Variants in KCNG3 observed in about 807,000 individuals in gnomAD.
KCNG3 encodes the protein voltage-gated potassium channel regulatory subunit KCNG3.
KCNG3 carries 15 observed loss-of-function variants against 29.0 expected under a neutral mutation model. The ratio of observed to expected loss-of-function variants is 0.52; its 90% confidence interval spans 0.35 to 0.80. The LOEUF (loss-of-function observed/expected upper bound fraction) is 0.80, where lower values mean the gene tolerates loss of function less well. Ranked by LOEUF, KCNG3 falls within the 30% of genes least tolerant of loss-of-function variation. The pLI is 0.01. For synonymous variants in KCNG3, 322 were observed against 248.9 expected (o/e 1.29, Z -2.76); for missense variants, 512 against 605.7 (o/e 0.85, Z 1.62).
the KCNG3 span, among the ~76,000 whole-genome samples, chr2:42,407,508 G>C: frequency 6.6e-6 from 1 of 152,186 alleles, no homozygotes; most frequent in Non-Finnish European, 1.5e-5. Context: ...ACACCCTGTG[G>C]AGCCAACAAC....
intron 1 of KCNG3, among the ~76,000 whole-genome samples, chr2:42,459,401 C>T (rs74396039): frequency 0.035 from 5,272 of 152,236 alleles, 129 homozygotes; most frequent in Middle Eastern, 0.078. Flanking sequence ...ACCCTCCCTG[C>T]CTGGCAAGTC....
At chr2:42,475,969 G>C (rs1357752807) in intron 1 of KCNG3, among the ~76,000 whole-genome samples, 1 of 152,146 alleles carries the variant, frequency 6.6e-6, no homozygotes. Context: ...GGGAGGCTGA[G>C]GCAGGAGAAT....
intron 1 of KCNG3, among the ~76,000 whole-genome samples, chr2:42,488,839 C>G (rs1572868481): frequency 6.6e-6 from 1 of 152,148 alleles, no homozygotes; most frequent in African/African-American, 2.4e-5. Context: ...CGTGAGCCAC[C>G]ACGCCTGGCC....
At chr2:42,454,764 C>CA (rs2103679121) in intron 1 of KCNG3, among the ~76,000 whole-genome samples, 1 of 151,656 alleles carries the variant, frequency 6.6e-6, no homozygotes, top group East Asian at 1.9e-4. Flanking sequence ...ACCTTGAAGA[C>CA]ATTACGTTAA....
chr2:42,449,337 CATAA>C (rs1169260051), intron 1 of KCNG3, among the ~76,000 whole-genome samples: 1 of 151,504 alleles, frequency 6.6e-6, no homozygotes, highest in Non-Finnish European at 1.5e-5. Flanking sequence ...TTTCAGTGGC[CATAA>C]ATAAAGTTTT....
chr2:42,492,791 G>C (rs965017708), intron 1 of KCNG3, 46 bp downstream of exon 1: 7 of 1,402,424 alleles, frequency 5.0e-6, no homozygotes, highest in Non-Finnish European at 5.6e-6. Context: ...GGGACGGACA[G>C]ACGCGACAGG....
chr2:42,425,556 G>C, the KCNG3 span, among the ~76,000 whole-genome samples: 1 of 152,000 alleles, frequency 6.6e-6, no homozygotes, highest in Admixed American at 6.6e-5. Context: ...CGGCTGGCAG[G>C]CATCTTTGAA....
chr2:42,489,635 G>A (rs1487381639), intron 1 of KCNG3, among the ~76,000 whole-genome samples: 2 of 152,198 alleles, frequency 1.3e-5, no homozygotes, highest in Admixed American at 1.3e-4. Context: ...CTTCAAGAGA[G>A]GAATAGAATC....
rs869226338 is a variant in KCNG3, at chr2:42,452,220, A to AATATATATATATAT, written c.666-7655_666-7642dup. On this transcript the variant is annotated intron_variant, in intron 1 of 1. Transcript: ENST00000306078. Reference sequence around the variant, plus strand: ...TCACATCAGGGTAAATGGGGTGGTAAATATATATATATATATATATATATT... The same window carrying AATATATATATATAT: ...TCACATCAGGGTAAATGGGGTGGTAAATATATATATATATATATATATATATATATATATATATT... Among the ~76,000 whole-genome samples, 53 of 104,652 alleles carry AATATATATATATAT rather than the reference A, an allele frequency of 5.1e-4. 1 individual carries two copies. Among genetic ancestry groups the AATATATATATATAT allele is most frequent in the East Asian group, 2.9e-3 (8 of 2,768 alleles). 68.7% of individuals were successfully genotyped at this position (104,652 alleles called of 152,430 possible).
At chr2:42,471,298 G>C (rs1416153433) in intron 1 of KCNG3, among the ~76,000 whole-genome samples, 1 of 151,950 alleles carries the variant, frequency 6.6e-6, no homozygotes, top group African/African-American at 2.4e-5. Context: ...TAAACAACAT[G>C]TTGCATAACC....
At chr2:42,461,109 C>T (rs1673005432) in intron 1 of KCNG3, among the ~76,000 whole-genome samples, 1 of 142,376 alleles carries the variant, frequency 7.0e-6, no homozygotes, top group Non-Finnish European at 1.5e-5. Flanking sequence ...TGCAGTGAGC[C>T]GAGATCACGC....
the KCNG3 span, among the ~76,000 whole-genome samples, chr2:42,404,300 GGAA>G: frequency 0.28 from 42,090 of 151,944 alleles, 6,301 homozygotes; most frequent in East Asian, 0.56. Context: ...CCTGATACAA[GGAA>G]GAAGAACCCC....
At chr2:42,481,856 C>CAG (rs1673592046) in intron 1 of KCNG3, among the ~76,000 whole-genome samples, 2 of 152,344 alleles carry the variant, frequency 1.3e-5, no homozygotes, top group South Asian at 4.1e-4. Flanking sequence ...TCACCTATCA[C>CAG]AGAGGCCTGT....
In KCNG3 at chr2:42,465,218, TTTC is replaced by T. The variant is rs936138026; in HGVS notation, c.666-20642_666-20640del. 1.0e-4 allele frequency among the ~76,000 whole-genome samples: 15 copies of T among 147,042 alleles called. No individual in the cohort carries two copies. In the South Asian group the frequency reaches 1.8e-3, roughly 18 times the overall value. On this transcript the variant is annotated intron_variant, in intron 1 of 1. Coordinates refer to ENST00000306078, the MANE Select transcript of KCNG3 (RefSeq NM_133329.6). ...TAAGAGTATTTAATTTCTTTCTTTC[TTTC>T]TTTTTTTTTTTTTGAAACAGGGTTT...
intron 1 of KCNG3, among the ~76,000 whole-genome samples, chr2:42,467,902 T>C (rs543477542): frequency 1.3e-4 from 20 of 151,010 alleles, no homozygotes; most frequent in African/African-American, 2.2e-4. Context: ...CCTGGAGAGA[T>C]TGAGGCTGCA....
the KCNG3 span, among the ~76,000 whole-genome samples, chr2:42,423,796 G>A: frequency 7.0e-6 from 1 of 142,078 alleles, no homozygotes; most frequent in African/African-American, 2.8e-5. Flanking sequence ...TCGGAAATGA[G>A]GTGAAAGGAA....
chr2:42,424,881 ATGCAGGACC>A, the KCNG3 span: 1 of 152,236 alleles, frequency 6.6e-6, no homozygotes, highest in African/African-American at 2.4e-5. Flanking sequence ...CCAGAGGGAA[ATGCAGGACC>A]CCGGCTCCAC....
At chr2:42,394,529 T>G in the KCNG3 span, among the ~76,000 whole-genome samples, 2 of 152,314 alleles carry the variant, frequency 1.3e-5, no homozygotes, top group South Asian at 4.1e-4. Context: ...AAATAAATCT[T>G]GGGGTCCCCA....
the KCNG3 span, among the ~76,000 whole-genome samples, chr2:42,433,346 AC>A: frequency 6.6e-6 from 1 of 152,186 alleles, no homozygotes; most frequent in African/African-American, 2.4e-5. Flanking sequence ...GTAAATTATT[AC>A]TGCTGGGTGT....
Sources: gnomAD v4.1 joint callset for allele counts (sites outside exome capture counted in the v4.1 genomes callset) on GRCh38, gnomAD v4.1.1 for gene constraint, MANE v1.5 for transcripts, NCBI Gene and HGNC (gene_info 2026-07-23, HGNC 2026-07-21) for gene names.